ADORA2B: variants seen among roughly 807,000 people sequenced by gnomAD.
ADORA2B encodes the protein adenosine A2b receptor.
In ADORA2B, 18 loss-of-function variants were observed where a neutral mutation model predicts 20.8. The observed-to-expected ratio is 0.87, with a 90% confidence interval of 0.60 to 1.29. ADORA2B has a LOEUF of 1.29. Ranked by LOEUF, ADORA2B falls within the 50% of genes most tolerant of loss-of-function variation. ADORA2B has a pLI of 0.00. For synonymous variants in ADORA2B, 179 were observed against 178.3 expected (o/e 1.00, Z -0.03); for missense variants, 441 against 422.7 (o/e 1.04, Z -0.38).
upstream of ADORA2B, among the ~76,000 whole-genome samples, chr17:15,940,629 A>G (rs115962922): frequency 1.0e-3 from 154 of 152,300 alleles, 1 homozygote; most frequent in African/African-American, 3.6e-3. Flanking sequence ...CTGAGGGGCA[A>G]TGTGCACTGT....
the ADORA2B span, among the ~76,000 whole-genome samples, chr17:15,895,330 A>G: frequency 1.3e-5 from 2 of 152,180 alleles, no homozygotes; most frequent in African/African-American, 4.8e-5. Context: ...AAATCTTTAA[A>G]TTACTTTTCT....
chr17:15,924,813 G>C, the ADORA2B span, among the ~76,000 whole-genome samples: 12 of 150,938 alleles, frequency 8.0e-5, no homozygotes, highest in African/African-American at 2.9e-4. Flanking sequence ...TCCTTTCCCT[G>C]TTTACCCCCC....
the ADORA2B span, among the ~76,000 whole-genome samples, chr17:15,909,756 T>C: frequency 3.3e-5 from 5 of 152,230 alleles, no homozygotes; most frequent in Admixed American, 3.3e-4. Flanking sequence ...ATTTCGGCTC[T>C]GGACTGACTT....
the ADORA2B span, among the ~76,000 whole-genome samples, chr17:15,915,626 A>G: frequency 2.0e-5 from 3 of 152,248 alleles, no homozygotes; most frequent in African/African-American, 7.2e-5. Flanking sequence ...CAGAAAGGGA[A>G]TGAGATTAAT....
the ADORA2B span, among the ~76,000 whole-genome samples, chr17:15,871,248 T>C: frequency 1.8e-4 from 28 of 152,260 alleles, no homozygotes; most frequent in African/African-American, 6.5e-4. Flanking sequence ...GCACAGCAGA[T>C]GGGGAGGGAC....
At chr17:15,919,613 C>T in the ADORA2B span, among the ~76,000 whole-genome samples, 1 of 152,120 alleles carries the variant, frequency 6.6e-6, no homozygotes, top group African/African-American at 2.4e-5. Flanking sequence ...TGTCCTGGCA[C>T]CACCTCCTCA....
chr17:15,919,400 A>G, the ADORA2B span, among the ~76,000 whole-genome samples: 1 of 152,196 alleles, frequency 6.6e-6, no homozygotes, highest in South Asian at 2.1e-4. Flanking sequence ...AGACTGCCTT[A>G]GAGAAACACC....
At chr17:15,968,509 G>A (rs1036969566) in intron 1 of ADORA2B, among the ~76,000 whole-genome samples, 1 of 152,200 alleles carries the variant, frequency 6.6e-6, no homozygotes, top group Non-Finnish European at 1.5e-5. Flanking sequence ...CTTGAGGACT[G>A]CCTCCCAGGA....
the ADORA2B span, among the ~76,000 whole-genome samples, chr17:15,866,724 GCTGCCGCTGCCTCTGCCT>G: frequency 0.015 from 2,196 of 144,524 alleles, 57 homozygotes; most frequent in African/African-American, 0.054. Flanking sequence ...TGCCTCTGCC[GCTGCCGCTGCCTCTGCCT>G]CTGCCGCTGC....
At chr17:15,901,077 T>A in the ADORA2B span, among the ~76,000 whole-genome samples, 1 of 152,002 alleles carries the variant, frequency 6.6e-6, no homozygotes. Flanking sequence ...ACAGACTGGG[T>A]GCTGCAGGCT....
the ADORA2B span, among the ~76,000 whole-genome samples, chr17:15,931,161 T>G: frequency 9.2e-5 from 14 of 152,070 alleles, no homozygotes; most frequent in South Asian, 6.3e-4. Context: ...TACAAAAAAT[T>G]TAAAAGGAGC....
intron 1 of ADORA2B, among the ~76,000 whole-genome samples, chr17:15,949,771 T>C (rs1437964850): frequency 6.6e-6 from 1 of 152,074 alleles, no homozygotes; most frequent in Admixed American, 6.5e-5. Context: ...CTAGGGAGGC[T>C]GAGACAGGAG....
At chr17:15,934,963 T>C in the ADORA2B span, among the ~76,000 whole-genome samples, 1 of 152,032 alleles carries the variant, frequency 6.6e-6, no homozygotes, top group East Asian at 1.9e-4. Context: ...CATGCCACCA[T>C]GCCACCTAAT....
chr17:15,910,197 A>G, the ADORA2B span, among the ~76,000 whole-genome samples: 28 of 152,284 alleles, frequency 1.8e-4, no homozygotes, highest in African/African-American at 6.3e-4. Flanking sequence ...TGCTGATCTG[A>G]GCCACTTCAG....
chr17:15,973,678 G>A (rs1457482364), intron 1 of ADORA2B, among the ~76,000 whole-genome samples: 1 of 152,108 alleles, frequency 6.6e-6, no homozygotes, highest in East Asian at 1.9e-4. Context: ...ATCACCCCCC[G>A]CCCCTGGTCT....
In ADORA2B at chr17:15,951,966, A is replaced by G. The variant is rs571942685; in HGVS notation, c.335+6383A>G. Among the ~76,000 whole-genome samples the G allele has an allele frequency of 6.9e-3, 1,057 of 152,324 alleles. 5 individuals carry two copies. The highest frequency in any genetic ancestry group is 9.3e-3 in the Non-Finnish European group (631 of 68,018). ...CAGGCACAGTCTGCAGCAGCTCTGC[A>G]TGCCTGGAGGTGGCCTGGTGCCCTG... On this transcript the variant is annotated intron_variant, in intron 1 of 1. Coordinates refer to ENST00000304222, the MANE Select transcript of ADORA2B (RefSeq NM_000676.4).
chr17:15,904,504 C>T, the ADORA2B span, among the ~76,000 whole-genome samples: 1 of 151,382 alleles, frequency 6.6e-6, no homozygotes, highest in East Asian at 1.9e-4. Context: ...TCTCCTGCCT[C>T]AGCCTCCCGG....
chr17:15,905,070 G>T, the ADORA2B span, among the ~76,000 whole-genome samples: 3 of 152,112 alleles, frequency 2.0e-5, no homozygotes, highest in African/African-American at 7.2e-5. Context: ...AAAAAAAAAG[G>T]TTTGCTAGAA....
At position 15,974,638 on chromosome 17, in the gene ADORA2B, C is replaced by T. The variant is rs745752498; in HGVS notation, c.336-41C>T. ...GGGGTCTTGGATTGTGGTTGCAGAGCGCTATAAACTGACCGTAACAGATGG... is the reference window on the plus strand; with the variant it reads ...GGGGTCTTGGATTGTGGTTGCAGAGTGCTATAAACTGACCGTAACAGATGG... On this transcript the variant is annotated intron_variant, in intron 1 of 1. Transcript: ENST00000304222. The T allele has an allele frequency of 8.4e-6, 13 of 1,540,250 alleles. No individual in the cohort carries two copies. In the East Asian group the frequency reaches 9.0e-5, roughly 11 times the overall value.
Sources: gnomAD v4.1 joint callset for allele counts (sites outside exome capture counted in the v4.1 genomes callset) on GRCh38, gnomAD v4.1.1 for gene constraint, MANE v1.5 for transcripts, NCBI Gene and HGNC (gene_info 2026-07-23, HGNC 2026-07-21) for gene names.